Variants in SYNDIG1 observed in about 807,000 individuals in gnomAD.
The protein encoded by SYNDIG1 is synapse differentiation-inducing gene protein 1.
Under a neutral mutation model 19.4 loss-of-function variants are expected in SYNDIG1, and 9 were observed. The ratio of observed to expected loss-of-function variants is 0.46; its 90% CI spans 0.28 to 0.81. The LOEUF is 0.81. SYNDIG1 is among the 30% of genes least tolerant of loss of function. The pLI is 0.12. For synonymous variants in SYNDIG1, 141 were observed against 145.9 expected (o/e 0.97, Z 0.24); for missense variants, 311 against 343.3 (o/e 0.91, Z 0.74).
intron 1 of SYNDIG1, among the ~76,000 whole-genome samples, chr20:24,504,817 G>A (rs1328519406): frequency 6.6e-6 from 1 of 152,158 alleles, no homozygotes; most frequent in African/African-American, 2.4e-5. Flanking sequence ...CCCGGGAGCT[G>A]GGTCACTGAA....
chr20:24,613,964 C>G (rs4813523), intron 3 of SYNDIG1, among the ~76,000 whole-genome samples: 29,420 of 152,168 alleles, frequency 0.19, 3,779 homozygotes, highest in Admixed American at 0.35. Context: ...ATGGAGAGCA[C>G]TCTGATCGCC....
At chr20:24,642,041 A>G (rs1053117905) in intron 3 of SYNDIG1, among the ~76,000 whole-genome samples, 6 of 152,232 alleles carry the variant, frequency 3.9e-5, no homozygotes, top group Non-Finnish European at 8.8e-5. Flanking sequence ...AAAAAGAACC[A>G]TAGTCCATAA....
chr20:24,549,338 T>A (rs1159773595), intron 2 of SYNDIG1, among the ~76,000 whole-genome samples: 1 of 152,162 alleles, frequency 6.6e-6, no homozygotes, highest in Non-Finnish European at 1.5e-5. Flanking sequence ...CTGACTTATT[T>A]CATTTAACAT....
At chr20:24,643,875 T>G (rs1037602508) in intron 3 of SYNDIG1, among the ~76,000 whole-genome samples, 2 of 152,236 alleles carry the variant, frequency 1.3e-5, no homozygotes, top group Non-Finnish European at 2.9e-5. Flanking sequence ...CAACCACTTA[T>G]GTGATGCTGA....
At chr20:24,603,545 G>A (rs1177967415) in intron 3 of SYNDIG1, among the ~76,000 whole-genome samples, 3 of 152,142 alleles carry the variant, frequency 2.0e-5, no homozygotes, top group East Asian at 1.9e-4. Context: ...GAAGTAAATC[G>A]CAGGACTTCA....
chr20:24,617,279 C>T (rs929622868), intron 3 of SYNDIG1, among the ~76,000 whole-genome samples: 1 of 152,090 alleles, frequency 6.6e-6, no homozygotes, highest in Non-Finnish European at 1.5e-5. Context: ...TCCTTCCTCT[C>T]CCTCACCTCC....
At chr20:24,569,582 A>G (rs2058108255) in intron 2 of SYNDIG1, among the ~76,000 whole-genome samples, 1 of 152,192 alleles carries the variant, frequency 6.6e-6, no homozygotes, top group Admixed American at 6.5e-5. Flanking sequence ...TTTCTATTCT[A>G]TTATACTGAC....
chr20:24,476,405 C>G lies in SYNDIG1; in HGVS notation c.-79+6652C>G, dbSNP rs569784798. Among the ~76,000 whole-genome samples, 30 of 152,176 alleles carry G rather than the reference C, an allele frequency of 2.0e-4. No homozygotes were observed. The South Asian group carries it at 3.3e-3, about 17-fold the overall frequency. On this transcript the variant is annotated intron_variant, in intron 1 of 3. Transcript: ENST00000376862. The stretch of plus-strand genomic sequence containing the variant: ...GATATTGGCCGGGCGCGGTGGCTTA[C>G]GCCTGTAATCCCAGCACTTTGGGAG...
chr20:24,617,164 C>G (rs907605978), intron 3 of SYNDIG1, among the ~76,000 whole-genome samples: 5 of 152,168 alleles, frequency 3.3e-5, no homozygotes, highest in Non-Finnish European at 5.9e-5. Flanking sequence ...GGTGCTGTCC[C>G]CAGGGTTCTC....
At chr20:24,469,961 G>C (rs1050845321) in intron 1 of SYNDIG1, among the ~76,000 whole-genome samples, 3 of 151,842 alleles carry the variant, frequency 2.0e-5, no homozygotes, top group Non-Finnish European at 4.4e-5. Context: ...AGACTTGGGA[G>C]ACACGGGGTC....
chr20:24,567,590 C>A (rs1468487888), intron 2 of SYNDIG1, among the ~76,000 whole-genome samples: 1 of 152,210 alleles, frequency 6.6e-6, no homozygotes, highest in Non-Finnish European at 1.5e-5. Context: ...GAGCCTCCAG[C>A]CTCCTCCTTT....
intron 2 of SYNDIG1, among the ~76,000 whole-genome samples, chr20:24,573,134 G>A (rs1241831287): frequency 6.6e-6 from 1 of 152,186 alleles, no homozygotes; most frequent in Non-Finnish European, 1.5e-5. Context: ...GAGCATTCCT[G>A]TGGCGCAAGT....
chr20:24,603,233 A>G (rs2058704710), intron 3 of SYNDIG1, among the ~76,000 whole-genome samples: 1 of 152,140 alleles, frequency 6.6e-6, no homozygotes, highest in Admixed American at 6.5e-5. Context: ...ATTACCAAAA[A>G]GTGTCCGGAG....
intron 1 of SYNDIG1, among the ~76,000 whole-genome samples, chr20:24,533,420 C>A (rs2057300843): frequency 6.6e-6 from 1 of 152,136 alleles, no homozygotes; most frequent in Non-Finnish European, 1.5e-5. Flanking sequence ...TACAGACATA[C>A]AAGTTGGCCT....
At chr20:24,505,837 A>G (rs1034669756) in intron 1 of SYNDIG1, among the ~76,000 whole-genome samples, 1 of 151,930 alleles carries the variant, frequency 6.6e-6, no homozygotes, top group African/African-American at 2.4e-5. Context: ...AATCCTGACA[A>G]TAGAGACATG....
chr20:24,482,738 C>T (rs2055834028), intron 1 of SYNDIG1, among the ~76,000 whole-genome samples: 1 of 152,084 alleles, frequency 6.6e-6, no homozygotes, highest in Non-Finnish European at 1.5e-5. Context: ...ATTCTAAATC[C>T]CTTGTCCATT....
intron 3 of SYNDIG1, among the ~76,000 whole-genome samples, chr20:24,594,171 C>T (rs540269896): frequency 7.2e-5 from 11 of 152,248 alleles, no homozygotes; most frequent in Middle Eastern, 3.4e-3. Flanking sequence ...GTACATTTCA[C>T]ATTTAAGTCT....
At position 24,473,507 on chromosome 20, in the gene SYNDIG1, T is replaced by C. The variant is rs189152976; in HGVS notation, c.-79+3754T>C. Reference sequence around the variant, plus strand: ...TGATTCCTGAGAGATCCTAAACTTGTGTTCAAAGAGCAGATGAAGTAACCC... The same window carrying C: ...TGATTCCTGAGAGATCCTAAACTTGCGTTCAAAGAGCAGATGAAGTAACCC... On this transcript the variant is annotated intron_variant, in intron 1 of 3. Transcript: ENST00000376862. Among the ~76,000 whole-genome samples, 254 of 152,306 alleles carry C rather than the reference T, an allele frequency of 1.7e-3. 1 individual carries two copies. The highest frequency in any genetic ancestry group is 5.9e-3 in the African/African-American group (246 of 41,560).
chr20:24,662,205 C>A (rs2059610855), intron 3 of SYNDIG1, among the ~76,000 whole-genome samples: 1 of 151,762 alleles, frequency 6.6e-6, no homozygotes, highest in Non-Finnish European at 1.5e-5. Context: ...CCGTCCTCTG[C>A]TTGTGTAACT....
Sources: gnomAD v4.1 joint callset for allele counts (sites outside exome capture counted in the v4.1 genomes callset) on GRCh38, gnomAD v4.1.1 for gene constraint, MANE v1.5 for transcripts, NCBI Gene and HGNC (gene_info 2026-07-23, HGNC 2026-07-21) for gene names.